The following ZNF808 variants were observed in gnomAD, a reference collection of about 807,000 sequenced individuals.
ZNF808 encodes zinc finger protein 808.
A neutral mutation model predicts 8.7 loss-of-function variants in ZNF808; 5 were observed. That is an observed-to-expected ratio of 0.58 (90% CI 0.30 to 1.21). The LOEUF is 1.21. Among genes scored for constraint, ZNF808 ranks in the 50% most tolerant of loss-of-function variants. The pLI, the probability that ZNF808 is intolerant of heterozygous loss-of-function variation, is 0.07. For missense variants in ZNF808, 1,103 were observed against 1,098.4 expected (o/e 1.00, Z -0.06); for synonymous variants, 380 against 366.0 (o/e 1.04, Z -0.44).
chr19:52,541,747 T>TTA (rs535539731), intron 2 of ZNF808, among the ~76,000 whole-genome samples: 4 of 151,830 alleles, frequency 2.6e-5, no homozygotes, highest in Non-Finnish European at 5.9e-5. Flanking sequence ...ACCTTGAACC[T>TTA]TATCATCTCA....
At position 52,553,735 on chromosome 19, in the gene ZNF808, C is replaced by A. The variant is rs139640068; in HGVS notation, c.819C>A (p.Tyr273Ter). The A allele has an allele frequency of 6.2e-7, 1 of 1,614,114 alleles. No homozygotes were observed. The highest frequency in any genetic ancestry group is 2.2e-5 in the East Asian group (1 of 44,872). ...GCAAGCTCTTTAATCACAAGCAATA[C>A]CTTGCATGCCATCGTAGATGTCACA... ...VCGKLFNHKQ[Y>*]LACHRRCHTG... Residue 273 changes from tyrosine (Y) to a stop codon, truncating the protein, a stop_gained, in exon 5 of 5, where the codon TAC becomes TAA. Coordinates refer to ENST00000359798, the MANE Select transcript of ZNF808 (RefSeq NM_001039886.4). LOFTEE classifies it low-confidence loss of function (END_TRUNC).
At chr19:52,562,492 A>G (rs557059343) in intron 3 of ZNF808, among the ~76,000 whole-genome samples, 5 of 152,346 alleles carry the variant, frequency 3.3e-5, no homozygotes, top group African/African-American at 7.2e-5. Context: ...GGAACATCCA[A>G]TTGGAGAATA....
At chr19:52,530,664 C>CAA (rs60540307) in intron 1 of ZNF808, among the ~76,000 whole-genome samples, 49,244 of 148,182 alleles carry the variant, frequency 0.33, 9,125 homozygotes, top group East Asian at 0.5. Flanking sequence ...CTCCATCTGA[C>CAA]AAAAAAAAAG....
downstream of ZNF808, among the ~76,000 whole-genome samples, chr19:52,568,577 G>T (rs2059878927): frequency 6.6e-6 from 1 of 152,120 alleles, no homozygotes; most frequent in Non-Finnish European, 1.5e-5. Context: ...CGCAGCCTAT[G>T]CACTGGACTT....
At position 52,539,204 on chromosome 19, in the gene ZNF808, T is replaced by A. The variant is rs1403806338; in HGVS notation, c.-19-4062T>A. On this transcript the variant is annotated intron_variant, in intron 2 of 4. Coordinates refer to ENST00000359798, the MANE Select transcript of ZNF808 (RefSeq NM_001039886.4). Reference sequence around the variant, plus strand: ...ATTTCATTTTTTTTTTTTTTTTTTTTAATTTTTGAGATGGAGTCTCTCTGT... The same window carrying A: ...ATTTCATTTTTTTTTTTTTTTTTTTAAATTTTTGAGATGGAGTCTCTCTGT... Among the ~76,000 whole-genome samples the A allele has an allele frequency of 4.6e-3, 645 of 141,538 alleles. 3 individuals are homozygous for A. Among genetic ancestry groups the A allele is most frequent in the African/African-American group, 0.015 (514 of 35,208 alleles). The allele number at this position is 141,538 out of a possible 152,430, so 92.9% of individuals were successfully genotyped here.
downstream of ZNF808, among the ~76,000 whole-genome samples, chr19:52,559,556 T>A (rs2059849847): frequency 6.6e-6 from 1 of 152,022 alleles, no homozygotes; most frequent in Non-Finnish European, 1.5e-5. Flanking sequence ...GTAGGCCTAC[T>A]TTTCTTTCTC....
chr19:52,553,862 A>T lies in ZNF808; in HGVS notation c.946A>T (p.Lys316Ter). The T allele has an allele frequency of 6.2e-7, 1 of 1,614,178 alleles. No homozygotes were observed. Among genetic ancestry groups the T allele is most frequent in the South Asian group, 1.1e-5 (1 of 91,082 alleles). Residue 316 changes from lysine to a stop codon, truncating the protein, a stop_gained, in exon 5 of 5, where the codon AAG (lysine) becomes TAG (stop). Transcript: ENST00000359798. LOFTEE classifies it low-confidence loss of function (END_TRUNC). ...ACTTCATACTGGAGTAAAACCTTAC[A>T]AGTGTAATGAGTGTGGCAAGGTCTT... Reference protein sequence around the residue: ...HRLHTGVKPYKCNECGKVFRQ... With the variant: ...HRLHTGVKPY
chr19:52,539,557 T>G (rs1428083891), intron 2 of ZNF808, among the ~76,000 whole-genome samples: 1 of 140,506 alleles, frequency 7.1e-6, no homozygotes, highest in Non-Finnish European at 1.5e-5. Flanking sequence ...GGTTTTTTTT[T>G]TTTTTTTTTT....
chr19:52,564,610 A>C (rs2059868201), downstream of ZNF808: 1 of 158,842 alleles, frequency 6.3e-6, no homozygotes, highest in South Asian at 1.8e-4. Context: ...TCCCTAACCC[A>C]GTTCATGAAA....
At chr19:52,543,557 A>G (rs1285211021) in intron 3 of ZNF808, among the ~76,000 whole-genome samples, 1 of 152,142 alleles carries the variant, frequency 6.6e-6, no homozygotes, top group African/African-American at 2.4e-5. Flanking sequence ...AGTGACATGA[A>G]CTTGGGAAGA....
chr19:52,557,882 A>G (rs1437810490), downstream of ZNF808, among the ~76,000 whole-genome samples: 2 of 152,106 alleles, frequency 1.3e-5, no homozygotes, highest in East Asian at 3.9e-4. Flanking sequence ...CTCATCTCAG[A>G]CCTTGTCAGT....
At chr19:52,567,403 A>T (rs538953030), downstream of ZNF808, among the ~76,000 whole-genome samples, 3 of 150,708 alleles carry the variant, frequency 2.0e-5, 1 homozygote, top group South Asian at 2.1e-4. Flanking sequence ...CCTACTGTGT[A>T]ACTGGTAGTT....
chr19:52,531,841 A>G (rs571955412), intron 1 of ZNF808, among the ~76,000 whole-genome samples: 8 of 152,304 alleles, frequency 5.3e-5, no homozygotes, highest in African/African-American at 1.7e-4. Context: ...TACTTGTGAC[A>G]TTGTAATTGC....
At chr19:52,536,131 C>G (rs1393093704) in intron 2 of ZNF808, 1 of 152,894 alleles carries the variant, frequency 6.5e-6, no homozygotes, top group East Asian at 1.9e-4. Flanking sequence ...CCCCACGGAC[C>G]TGGAAATTCT....
chr19:52,567,416 C>CT (rs145794627), downstream of ZNF808, among the ~76,000 whole-genome samples: 1,163 of 140,672 alleles, frequency 8.3e-3, 10 homozygotes, highest in African/African-American at 0.018. Flanking sequence ...TGGTAGTTTT[C>CT]TTTTTTTTTT....
rs1464626433 is a variant in ZNF808, at chr19:52,553,341, A to G, written c.425A>G (p.His142Arg). 10 of 1,614,022 alleles carry G rather than the reference A, an allele frequency of 6.2e-6. No individual in the cohort carries two copies. The highest frequency in any genetic ancestry group is 2.2e-5 in the East Asian group (1 of 44,894). The change falls in exon 5 of 5, where the codon CAT (histidine) becomes CGT (arginine). Residue 142 changes from histidine to arginine, a missense_variant. Transcript: ENST00000359798. ...IKKLTGSTDQ[H>R]DHRHAGNKPI... ...AAGTTGACTGGTAGCACAGACCAACATGATCACAGGCATGCTGGAAACAAG... is the reference window on the plus strand; with the variant it reads ...AAGTTGACTGGTAGCACAGACCAACGTGATCACAGGCATGCTGGAAACAAG...
At chr19:52,529,868 G>C (rs993827399) in intron 1 of ZNF808, among the ~76,000 whole-genome samples, 1 of 150,816 alleles carries the variant, frequency 6.6e-6, no homozygotes, top group African/African-American at 2.4e-5. Flanking sequence ...CCAGAGGCAT[G>C]AGCCACCAAG....
chr19:52,567,085 A>G (rs1288608209), downstream of ZNF808, among the ~76,000 whole-genome samples: 2 of 150,740 alleles, frequency 1.3e-5, no homozygotes, highest in Admixed American at 6.6e-5. Context: ...CTGAGTAGCT[A>G]GGATTACAGG....
At chr19:52,566,280 C>T (rs946988158), downstream of ZNF808, among the ~76,000 whole-genome samples, 1 of 152,022 alleles carries the variant, frequency 6.6e-6, no homozygotes, top group Non-Finnish European at 1.5e-5. Flanking sequence ...ATTCTCCTGT[C>T]TCAGCACCCC....
Sources: gnomAD v4.1 joint callset for allele counts (sites outside exome capture counted in the v4.1 genomes callset) on GRCh38, gnomAD v4.1.1 for gene constraint, MANE v1.5 for transcripts, NCBI Gene and HGNC (gene_info 2026-07-23, HGNC 2026-07-21) for gene names.